GALK2: variants seen among roughly 807,000 people sequenced by gnomAD.
GALK2 encodes the protein N-acetylgalactosamine kinase.
A neutral mutation model predicts 52.4 loss-of-function variants in GALK2; 36 were observed. That is an observed-to-expected ratio of 0.69 (90% CI 0.53 to 0.91). The LOEUF is 0.91. Ranked by LOEUF, GALK2 falls within the 40% of genes least tolerant of loss-of-function variation. The pLI is 0.00. For synonymous variants in GALK2, 176 were observed against 199.1 expected, an observed-to-expected ratio of 0.88 and a Z score of 0.98; for missense variants, 579 against 559.1, an observed-to-expected ratio of 1.04 and a Z score of -0.36.
chr15:49,346,926 A>G (rs8039920), intron 3 of GALK2, among the ~76,000 whole-genome samples: 1 of 152,084 alleles, frequency 6.6e-6, no homozygotes, highest in African/African-American at 2.4e-5. Flanking sequence ...TATAAGTAAA[A>G]TATTTTAATG....
chr15:49,242,852 T>C (rs1235391439), intron 5 of GALK2, among the ~76,000 whole-genome samples: 1 of 152,196 alleles, frequency 6.6e-6, no homozygotes, highest in Non-Finnish European at 1.5e-5. Context: ...TTTTTCTGTG[T>C]CCCTAAATTA....
chr15:49,326,740 A>G (rs1195755166), intron 9 of GALK2, among the ~76,000 whole-genome samples: 1 of 152,176 alleles, frequency 6.6e-6, no homozygotes, highest in Non-Finnish European at 1.5e-5. Flanking sequence ...TTTGTTTGTA[A>G]GCATTTTTTT....
At chr15:49,366,709 T>TGGCGC in intron 3 of GALK2, 1 of 1,330,292 alleles carries the variant, frequency 7.5e-7, no homozygotes, top group Non-Finnish European at 1.1e-6. Context: ...GCGGGTGGGG[T>TGGCGC]GGCGCGGCGC....
At position 49,329,206 on chromosome 15, in the gene GALK2, G is replaced by T; in HGVS notation, c.*1047G>T. On this transcript the variant is annotated 3_prime_UTR_variant, in exon 10 of 10. Transcript: ENST00000560031. ...TATGAAAAGACTTAATGAATTCTGG[G>T]ATTTGTAATGGTATTGATGGGTATC... 2 of 986,472 alleles carry T rather than the reference G, an allele frequency of 2.0e-6. No homozygotes were observed. The highest frequency in any genetic ancestry group is 2.4e-6 in the Non-Finnish European group (2 of 830,686). The allele number at this position is 986,472 out of a possible 1,614,324, so 61.1% of individuals were successfully genotyped here.
chr15:49,366,197 G>A, intron 3 of GALK2: 3 of 803,622 alleles, frequency 3.7e-6, no homozygotes, highest in African/African-American at 1.7e-5. Flanking sequence ...AGGCCACGAT[G>A]GAGAACACAT....
intron 5 of GALK2, among the ~76,000 whole-genome samples, chr15:49,256,807 A>G (rs1282984266): frequency 1.3e-5 from 2 of 152,170 alleles, no homozygotes; most frequent in African/African-American, 2.4e-5. Context: ...GTTTTCAAGC[A>G]TAGAGACTAT....
chr15:49,342,726 G>A (rs1419520183), intron 3 of GALK2, among the ~76,000 whole-genome samples: 1 of 152,094 alleles, frequency 6.6e-6, no homozygotes, highest in African/African-American at 2.4e-5. Flanking sequence ...AGGTCTAGTG[G>A]CAATGAATTC....
At chr15:49,176,671 C>G (rs181731198) in intron 1 of GALK2, among the ~76,000 whole-genome samples, 1 of 152,072 alleles carries the variant, frequency 6.6e-6, no homozygotes, top group South Asian at 2.1e-4. Flanking sequence ...CCTTCATATT[C>G]CTGGAATGAA....
intron 5 of GALK2, among the ~76,000 whole-genome samples, chr15:49,244,032 A>G (rs1418246820): frequency 2.0e-5 from 3 of 152,156 alleles, no homozygotes; most frequent in African/African-American, 7.2e-5. Flanking sequence ...AGAGAAAAAC[A>G]GGAAAATTTA....
intron 7 of GALK2, among the ~76,000 whole-genome samples, chr15:49,287,498 T>TA (rs1270318775): frequency 6.6e-6 from 1 of 150,508 alleles, no homozygotes; most frequent in African/African-American, 2.5e-5. Flanking sequence ...TAGGCTGGAA[T>TA]TCTACTAAGC....
chr15:49,300,323 A>G (rs1032328966), intron 8 of GALK2, among the ~76,000 whole-genome samples: 2 of 151,780 alleles, frequency 1.3e-5, no homozygotes, highest in African/African-American at 2.4e-5. Flanking sequence ...TTGAGCCTAC[A>G]TGTGTCATTG....
intron 1 of GALK2, among the ~76,000 whole-genome samples, chr15:49,160,076 C>T (rs1375931167): frequency 2.0e-5 from 3 of 152,052 alleles, no homozygotes; most frequent in Admixed American, 2.0e-4. Flanking sequence ...GAGTTTGAGA[C>T]CAGCCTGGCC....
intron 5 of GALK2, among the ~76,000 whole-genome samples, chr15:49,247,514 G>A (rs1424910199): frequency 1.3e-5 from 2 of 152,154 alleles, no homozygotes; most frequent in South Asian, 2.1e-4. Flanking sequence ...TGCATATAGT[G>A]GAATAGTAAC....
chr15:49,212,063 C>A (rs915570999), intron 2 of GALK2, among the ~76,000 whole-genome samples: 1 of 152,028 alleles, frequency 6.6e-6, no homozygotes, highest in Non-Finnish European at 1.5e-5. Flanking sequence ...AATTATCTGA[C>A]TTTATTTATT....
At chr15:49,352,097 G>A (rs1243840973) in intron 3 of GALK2, among the ~76,000 whole-genome samples, 2 of 152,058 alleles carry the variant, frequency 1.3e-5, no homozygotes, top group Admixed American at 1.3e-4. Flanking sequence ...TACTTGCTGT[G>A]GCTCATCCTC....
chr15:49,331,697 T>G lies in GALK2; in HGVS notation c.*3538T>G, dbSNP rs79454504. 11,526 of 856,994 alleles carry G rather than the reference T, an allele frequency of 0.013. 115 individuals are homozygous for G. Among genetic ancestry groups the G allele is most frequent in the Non-Finnish European group, 0.018 (9,221 of 504,228 alleles). 53.1% of individuals were successfully genotyped at this position (856,994 alleles called of 1,614,324 possible). A position where few individuals can be genotyped will look rare whatever the true frequency, so the allele number is the denominator to read the frequency against. On this transcript the variant is annotated 3_prime_UTR_variant, in exon 10 of 10. Transcript: ENST00000560031. Reference sequence around the variant, plus strand: ...CCACTGTAATTTGGGTGTGCCACCATACATTGCTTATGAAATATTGTCCAG... The same window carrying G: ...CCACTGTAATTTGGGTGTGCCACCAGACATTGCTTATGAAATATTGTCCAG...
chr15:49,182,120 T>G (rs1459546717), intron 1 of GALK2, among the ~76,000 whole-genome samples: 3 of 152,204 alleles, frequency 2.0e-5, no homozygotes, highest in Non-Finnish European at 4.4e-5. Flanking sequence ...TTGTACCTAT[T>G]AACCATCCCC....
chr15:49,279,725 G>T (rs1163111876), intron 5 of GALK2, among the ~76,000 whole-genome samples: 1 of 152,220 alleles, frequency 6.6e-6, no homozygotes, highest in Non-Finnish European at 1.5e-5. Context: ...GTCACAGTTA[G>T]TTGGGCACCC....
chr15:49,306,425 C>T (rs188352787), intron 8 of GALK2, among the ~76,000 whole-genome samples: 1 of 152,184 alleles, frequency 6.6e-6, no homozygotes, highest in Admixed American at 6.5e-5. Flanking sequence ...GTAAGGCCAG[C>T]ATAATCCTTA....
Sources: gnomAD v4.1 joint callset for allele counts (sites outside exome capture counted in the v4.1 genomes callset) on GRCh38, gnomAD v4.1.1 for gene constraint, MANE v1.5 for transcripts, NCBI Gene and HGNC (gene_info 2026-07-23, HGNC 2026-07-21) for gene names.